The following DPYD variants were observed in gnomAD, a reference collection of about 807,000 sequenced individuals.
The protein encoded by DPYD is dihydropyrimidine dehydrogenase [NADP(+)].
In DPYD, 109 loss-of-function variants were observed where a neutral mutation model predicts 116.2. The observed-to-expected ratio is 0.94, with a 90% CI of 0.80 to 1.10. DPYD has a LOEUF of 1.10. Ranked by LOEUF, DPYD falls within the 50% of genes least tolerant of loss-of-function variation. The pLI is 0.00. For missense variants in DPYD, 1,302 were observed against 1,254.5 expected, an observed-to-expected ratio of 1.04 and a Z score of -0.57; for synonymous variants, 440 against 432.0, an observed-to-expected ratio of 1.02 and a Z score of -0.23.
At chr1:97,215,842 T>A (rs1268992522) in intron 19 of DPYD, among the ~76,000 whole-genome samples, 1 of 152,170 alleles carries the variant, frequency 6.6e-6, no homozygotes, top group Non-Finnish European at 1.5e-5. Context: ...GACCTAAGCA[T>A]TCTTTTTGCC....
chr1:97,553,080 T>C (rs140577080), intron 11 of DPYD, among the ~76,000 whole-genome samples: 1 of 152,040 alleles, frequency 6.6e-6, no homozygotes, highest in African/African-American at 2.4e-5. Flanking sequence ...TCAGTAGCCC[T>C]AAGCACCAAG....
rs932196009 is a variant in DPYD at position 97,736,472 on chromosome 1, G to A, written c.321+3920C>T. 2.6e-5 allele frequency among the ~76,000 whole-genome samples: 4 copies of A among 151,380 alleles called. No homozygotes were observed. The South Asian group carries it at 8.4e-4, about 32-fold the overall frequency. On this transcript the variant is annotated intron_variant, in intron 4 of 22. Transcript: ENST00000370192. ...GTAGAACGGCTTCCACATGGAAATT[G>A]CAACACTGAAAAAATTGACAAAAAT... is the stretch of plus-strand genomic sequence containing the variant.
Position 97,828,118 on chromosome 1 carries a change from T to C in DPYD, c.229A>G (p.Met77Val), listed in dbSNP as rs527580106. 13 of 1,613,710 alleles carry C rather than the reference T, an allele frequency of 8.1e-6. No individual in the cohort carries two copies. Among genetic ancestry groups the C allele is most frequent in the South Asian group, 5.5e-5 (5 of 91,072 alleles). ...GCTATGGTGACCCAGACTTACCTCA[T>C]TGCTTCTCGGAGAGCTCCTCGCTCA... ...LGERGALREA[M>V]RCLKCADAPC... The change falls in exon 3 of 23, where the codon ATG becomes GTG. Residue 77 changes from methionine (M) to valine (V), a missense_variant. Coordinates refer to ENST00000370192, the MANE Select transcript of DPYD (RefSeq NM_000110.4).
chr1:97,508,494 G>A (rs760060758), intron 13 of DPYD, among the ~76,000 whole-genome samples: 1 of 151,920 alleles, frequency 6.6e-6, no homozygotes, highest in African/African-American at 2.4e-5. Flanking sequence ...CTCTGAAATT[G>A]CACATAGAAA....
At chr1:97,639,957 C>T (rs970590200) in intron 8 of DPYD, among the ~76,000 whole-genome samples, 1 of 152,244 alleles carries the variant, frequency 6.6e-6, no homozygotes, top group African/African-American at 2.4e-5. Context: ...CTTTATTCTA[C>T]TCAACTTAAC....
At chr1:97,309,330 C>CG (rs1558017486) in intron 16 of DPYD, among the ~76,000 whole-genome samples, 7 of 93,528 alleles carry the variant, frequency 7.5e-5, no homozygotes, top group Admixed American at 1.3e-4. Context: ...AGTTGCTTGT[C>CG]TTGTGTGTGT....
intron 11 of DPYD, among the ~76,000 whole-genome samples, chr1:97,567,961 C>T (rs561893888): frequency 4.7e-4 from 71 of 151,804 alleles, no homozygotes; most frequent in Middle Eastern, 3.4e-3. Flanking sequence ...CATGTTGGTG[C>T]GCTGCATCTG....
chr1:97,127,950 C>G (rs1374395032), intron 20 of DPYD, among the ~76,000 whole-genome samples: 2 of 152,128 alleles, frequency 1.3e-5, no homozygotes, highest in South Asian at 2.1e-4. Context: ...TAATCTTGCA[C>G]AGACCAAGTA....
In DPYD at chr1:97,835,185, T is replaced by C. The variant is rs187078557; in HGVS notation, c.151-6989A>G. ...GTAGGAGCTATGCAGAGAGAAAATT[T>C]GTTTTTGAGTTTCATCTCTACAACT... On this transcript the variant is annotated intron_variant, in intron 2 of 22. Transcript: ENST00000370192. Among the ~76,000 whole-genome samples the C allele has an allele frequency of 1.2e-3, 185 of 152,204 alleles. No homozygotes were observed. The Middle Eastern group carries it at 0.024, about 20-fold the overall frequency.
intron 8 of DPYD, among the ~76,000 whole-genome samples, chr1:97,653,583 G>T (rs1001352194): frequency 6.6e-6 from 1 of 152,118 alleles, no homozygotes; most frequent in Non-Finnish European, 1.5e-5. Context: ...GATTACAGGT[G>T]TGAGACACCA....
intron 8 of DPYD, among the ~76,000 whole-genome samples, chr1:97,627,739 C>G (rs1275974942): frequency 1.3e-5 from 2 of 151,964 alleles, no homozygotes; most frequent in Non-Finnish European, 2.9e-5. Context: ...TATCTTGAAA[C>G]ATTTATCCAG....
intron 13 of DPYD, among the ~76,000 whole-genome samples, chr1:97,468,108 CTGAG>C (rs1677431923): frequency 1.3e-5 from 2 of 152,182 alleles, no homozygotes; most frequent in African/African-American, 2.4e-5. Flanking sequence ...GACAACATTA[CTGAG>C]TGAGTGTGTC....
chr1:97,665,573 C>T (rs996100657), intron 8 of DPYD, among the ~76,000 whole-genome samples: 2 of 152,090 alleles, frequency 1.3e-5, no homozygotes, highest in African/African-American at 2.4e-5. Flanking sequence ...TTTTGATCCA[C>T]CACAAAAGAA....
intron 4 of DPYD, among the ~76,000 whole-genome samples, chr1:97,729,652 C>T (rs1663476617): frequency 6.6e-6 from 1 of 151,986 alleles, no homozygotes; most frequent in Non-Finnish European, 1.5e-5. Context: ...ATATCAATGA[C>T]ATGGGGGCAT....
At chr1:97,295,708 T>A in intron 18 of DPYD, 1 of 952,058 alleles carries the variant, frequency 1.1e-6, no homozygotes, top group Non-Finnish European at 1.3e-6. Flanking sequence ...TGGGATTCCA[T>A]GTGTGAGCCA....
chr1:97,228,357 T>A (rs1341041241), intron 19 of DPYD, among the ~76,000 whole-genome samples: 1 of 152,176 alleles, frequency 6.6e-6, no homozygotes, highest in Non-Finnish European at 1.5e-5. Flanking sequence ...CTCTTCTTAA[T>A]GTCAGTCATA....
intron 3 of DPYD, among the ~76,000 whole-genome samples, chr1:97,799,541 T>C (rs1667749518): frequency 6.6e-6 from 1 of 152,004 alleles, no homozygotes; most frequent in Non-Finnish European, 1.5e-5. Flanking sequence ...TGATCTATCA[T>C]AACCTGAAAT....
chr1:97,173,300 G>A (rs201854482), intron 20 of DPYD, among the ~76,000 whole-genome samples: 6 of 89,398 alleles, frequency 6.7e-5, no homozygotes, highest in Non-Finnish European at 1.2e-4. Flanking sequence ...GTACACATAT[G>A]TACATATATA....
At chr1:97,365,540 T>C (rs1409882767) in intron 16 of DPYD, among the ~76,000 whole-genome samples, 1 of 152,180 alleles carries the variant, frequency 6.6e-6, no homozygotes, top group Non-Finnish European at 1.5e-5. Context: ...TGAACAAATA[T>C]TTGAGGGTGA....
Sources: gnomAD v4.1 joint callset for allele counts (sites outside exome capture counted in the v4.1 genomes callset) on GRCh38, gnomAD v4.1.1 for gene constraint, MANE v1.5 for transcripts, NCBI Gene and HGNC (gene_info 2026-07-23, HGNC 2026-07-21) for gene names.